ANKRD28: variants seen among roughly 807,000 people sequenced by gnomAD.
The protein encoded by ANKRD28 is serine/threonine-protein phosphatase 6 regulatory ankyrin repeat subunit A.
A neutral mutation model predicts 126.5 loss-of-function variants in ANKRD28; 44 were observed. That is an observed-to-expected ratio of 0.35 (90% confidence interval 0.27 to 0.45). The LOEUF (loss-of-function observed/expected upper bound fraction) is 0.45. Ranked by LOEUF, ANKRD28 falls within the 20% of genes least tolerant of loss-of-function variation. ANKRD28 has a pLI of 1.00. For missense variants in ANKRD28, 1,110 were observed against 1,316.6 expected (o/e 0.84, Z 2.43); for synonymous variants, 442 against 468.5 (o/e 0.94, Z 0.73).
At chr3:15,827,836 A>G (rs1217791376) in intron 1 of ANKRD28, among the ~76,000 whole-genome samples, 1 of 152,228 alleles carries the variant, frequency 6.6e-6, no homozygotes, top group African/African-American at 2.4e-5. Flanking sequence ...AGCAAATTAC[A>G]AATCTGACAA....
Position 15,678,323 on chromosome 3 carries a change from G to C in ANKRD28, c.2593C>G (p.His865Asp). 1 of 1,609,774 alleles carries C rather than the reference G, an allele frequency of 6.2e-7. No individual in the cohort carries two copies. The change falls in exon 24 of 28, where the codon CAT becomes GAT. Residue 865 changes from histidine (H) to aspartate (D), a missense_variant. By Grantham distance (81) the His-to-Asp change is moderately conservative (BLOSUM62 -1). Transcript: ENST00000683139. ...TPLHAAAFTD[H>D]VECLQLLLSH... ...AGCAGCAGCTGTAAACACTCTACAT[G>C]GTCTGTGAAGGCGGCTGCATGGAGA...
At position 15,815,716 on chromosome 3, in the gene ANKRD28, T is replaced by A. The variant is rs1353122004; in HGVS notation, c.28-20410A>T. On this transcript the variant is annotated intron_variant, in intron 1 of 27. Coordinates refer to the ANKRD28 transcript ENST00000399451. The surrounding 1 kb of genome is among the most constrained non-coding windows in gnomAD (Gnocchi z 4.1). ...CTAAAATGTTAGAAGACATAAACTA[T>A]CCTTGGATAGTTGGAGGAAGGTCAG... 1.3e-5 allele frequency among the ~76,000 whole-genome samples: 2 copies of A among 152,164 alleles called. No individual in the cohort carries two copies. Among genetic ancestry groups the A allele is most frequent in the African/African-American group, 4.8e-5 (2 of 41,432 alleles).
intron 6 of ANKRD28, among the ~76,000 whole-genome samples, chr3:15,726,877 A>C (rs963933569): frequency 4.6e-5 from 7 of 152,332 alleles, no homozygotes; most frequent in Non-Finnish European, 8.8e-5. Flanking sequence ...ACCATTCTGA[A>C]AATTCTACAG....
rs1428377661 is a variant in ANKRD28 at position 15,843,998 on chromosome 3, G to GAACGAA, written c.27+15378_27+15379insTTCGTT. On this transcript the variant is annotated intron_variant, in intron 1 of 27. Coordinates refer to the ANKRD28 transcript ENST00000399451. The surrounding 1 kb of genome is among the most constrained non-coding windows in gnomAD (Gnocchi z 5.2). ...AAATGCAGGAACGAAAGCTGGGTAG[G>GAACGAA]GTAGGTGATAGTTGAAGAAAAAGGG... Among the ~76,000 whole-genome samples, 1 of 152,064 alleles carries GAACGAA rather than the reference G, an allele frequency of 6.6e-6. No homozygotes were observed. Among genetic ancestry groups the GAACGAA allele is most frequent in the African/African-American group, 2.4e-5 (1 of 41,396 alleles).
In ANKRD28 at chr3:15,737,025, C is replaced by A; in HGVS notation, c.552+8G>T. 6.2e-7 allele frequency: 1 copy of A among 1,613,582 alleles called. No individual in the cohort carries two copies. The highest frequency in any genetic ancestry group is 1.1e-5 in the South Asian group (1 of 91,066). On this transcript the variant is annotated splice_region_variant and intron_variant, in intron 5 of 27. Transcript: ENST00000683139. ...AGAAAAATAATGGTCTAATTGAATG[C>A]CACCTACCTCACCATGTCCACTGAA...
chr3:15,709,584 A>G (rs922444423), intron 13 of ANKRD28, 84 bp downstream of exon 13: 1 of 890,468 alleles, frequency 1.1e-6, no homozygotes, highest in African/African-American at 1.7e-5. Flanking sequence ...TAAATTGTTC[A>G]GTTAATTTTC....
Position 15,825,673 on chromosome 3 carries a change from C to T in ANKRD28, c.28-30367G>A, listed in dbSNP as rs1041128310. Among the ~76,000 whole-genome samples, 6 of 151,822 alleles carry T rather than the reference C, an allele frequency of 4.0e-5. No homozygotes were observed. The East Asian group carries it at 7.7e-4, about 20-fold the overall frequency. On this transcript the variant is annotated intron_variant, in intron 1 of 27. Transcript: ENST00000399451. ...AATTTAAAAGTTCTGAATGAGTGACCCCTAAAACAAAGTAGACTAGCCACA... is the reference window on the plus strand; with the variant it reads ...AATTTAAAAGTTCTGAATGAGTGACTCCTAAAACAAAGTAGACTAGCCACA...
chr3:15,800,709 A>G (rs571943546), upstream of ANKRD28, among the ~76,000 whole-genome samples: 57 of 152,220 alleles, frequency 3.7e-4, 1 homozygote, highest in African/African-American at 6.5e-4. Context: ...CTTAGGCAAG[A>G]AAGACTACAG....
chr3:15,841,261 A>G (rs2061420245), intron 1 of ANKRD28, among the ~76,000 whole-genome samples: 1 of 152,240 alleles, frequency 6.6e-6, no homozygotes, highest in African/African-American at 2.4e-5. Flanking sequence ...AACATCTGGG[A>G]CACTCTTCAG....
intron 1 of ANKRD28, among the ~76,000 whole-genome samples, chr3:15,836,959 G>C (rs2061338962): frequency 1.3e-5 from 2 of 151,926 alleles, no homozygotes; most frequent in Non-Finnish European, 2.9e-5. Flanking sequence ...AATTAGCCGG[G>C]CATGGTGGCG....
Position 15,712,209 on chromosome 3 carries a change from C to A in ANKRD28, c.1204G>T (p.Gly402Ter). Residue 402 changes from glycine (G) to a stop codon, truncating the protein, a stop_gained, in exon 11 of 28, where the codon GGA (glycine) becomes TGA (stop). Coordinates refer to ENST00000683139, the MANE Select transcript of ANKRD28 (RefSeq NM_001349278.2). LOFTEE classifies it high-confidence loss of function. ...GCTGCCAAATGGAGGGGGAACATTC[C>A]ATGTATGCCACGCCTAAAGTTAATA... ...GADTAKRGIH[G>*]MFPLHLAALS... is the part of the protein sequence containing the mutation. The A allele has an allele frequency of 6.3e-7, 1 of 1,581,270 alleles. No individual in the cohort carries two copies. Among genetic ancestry groups the A allele is most frequent in the Non-Finnish European group, 8.6e-7 (1 of 1,162,916 alleles).
intron 2 of ANKRD28, among the ~76,000 whole-genome samples, chr3:15,782,094 G>A (rs2059566033): frequency 6.6e-6 from 1 of 152,038 alleles, no homozygotes; most frequent in African/African-American, 2.4e-5. Flanking sequence ...GCCATTTAGA[G>A]GGCCACAAAT....
At chr3:15,738,882 A>T (rs981865401) in intron 4 of ANKRD28, 4 of 152,184 alleles carry the variant, frequency 2.6e-5, no homozygotes, top group Middle Eastern at 6.8e-3. Flanking sequence ...AAAAAGACAG[A>T]CGTTCCCAGA....
At chr3:15,807,458 C>T (rs2060608975) in intron 1 of ANKRD28, among the ~76,000 whole-genome samples, 1 of 152,128 alleles carries the variant, frequency 6.6e-6, no homozygotes, top group African/African-American at 2.4e-5. Flanking sequence ...CATGGACATA[C>T]AAGAAAAATG....
At position 15,789,312 on chromosome 3, in the gene ANKRD28, T is replaced by C. The variant is rs184187364; in HGVS notation, c.201+5911A>G. On this transcript the variant is annotated intron_variant, in intron 2 of 27. Coordinates refer to ENST00000683139, the MANE Select transcript of ANKRD28 (RefSeq NM_001349278.2). ...GATGAACCAGGTGATGAACCAAGAC[T>C]GATCTAGCAAAAAGCGAACCCCATT... Among the ~76,000 whole-genome samples the C allele has an allele frequency of 7.6e-4, 115 of 152,204 alleles. 1 individual carries two copies. Among genetic ancestry groups the C allele is most frequent in the African/African-American group, 2.6e-3 (108 of 41,546 alleles).
intron 10 of ANKRD28, among the ~76,000 whole-genome samples, chr3:15,712,460 A>T (rs2072436110): frequency 6.6e-6 from 1 of 152,170 alleles, no homozygotes; most frequent in Non-Finnish European, 1.5e-5. Flanking sequence ...TTGCTGGGGA[A>T]ACGTGAGAAG....
intron 7 of ANKRD28, among the ~76,000 whole-genome samples, chr3:15,721,349 T>G (rs565741532): frequency 2.0e-5 from 3 of 152,314 alleles, no homozygotes; most frequent in African/African-American, 7.2e-5. Flanking sequence ...GGGAATATAA[T>G]TCACATACAC....
intron 8 of ANKRD28, among the ~76,000 whole-genome samples, chr3:15,717,696 C>A (rs1271419827): frequency 6.6e-6 from 1 of 152,130 alleles, no homozygotes; most frequent in Non-Finnish European, 1.5e-5. Flanking sequence ...TGACCAAAAT[C>A]TATTCTTAAA....
intron 1 of ANKRD28, among the ~76,000 whole-genome samples, chr3:15,809,966 C>T (rs2060676024): frequency 6.6e-6 from 1 of 152,146 alleles, no homozygotes; most frequent in Non-Finnish European, 1.5e-5. Flanking sequence ...GCACATCCCC[C>T]TCCCACCTCC....
Sources: allele counts gnomAD v4.1 joint callset (sites outside exome capture counted in the v4.1 genomes callset), GRCh38; gene constraint gnomAD v4.1.1; non-coding constraint Gnocchi (gnomAD v3.1); transcripts MANE v1.5; gene names NCBI Gene and HGNC (gene_info 2026-07-23, HGNC 2026-07-21).